XPO7: variants seen among roughly 807,000 people sequenced by gnomAD.
XPO7 encodes exportin 7, also known as exportin-7.
A neutral mutation model predicts 144.3 loss-of-function variants in XPO7; 21 were observed. That is an observed-to-expected ratio of 0.15 (90% CI 0.10 to 0.21). The LOEUF is 0.21. XPO7 is among the 10% of genes least tolerant of loss of function. XPO7 has a pLI of 1.00. For synonymous variants in XPO7, 580 were observed against 499.6 expected (o/e 1.16, Z -2.15); for missense variants, 808 against 1,325.8 (o/e 0.61, Z 6.06).
intron 24 of XPO7, 50 bp downstream of exon 24, chr8:21,999,724 T>C: frequency 1.2e-6 from 2 of 1,607,510 alleles, no homozygotes; most frequent in Non-Finnish European, 1.7e-6. Flanking sequence ...TTTTTACCAC[T>C]TAACTAAACA....
chr8:21,999,794 A>G (rs1813077309), intron 24 of XPO7, 120 bp downstream of exon 24: 2 of 1,310,130 alleles, frequency 1.5e-6, no homozygotes, highest in Non-Finnish European at 2.1e-6. Flanking sequence ...GGGTTTGGCC[A>G]TAACAATAGA....
chr8:21,927,206 G>C (rs1810485126), intron 1 of XPO7, among the ~76,000 whole-genome samples: 1 of 149,682 alleles, frequency 6.7e-6, no homozygotes, highest in African/African-American at 2.5e-5. Flanking sequence ...GGGTAACATA[G>C]CAAGACCCCA....
At chr8:21,921,315 G>C (rs1290156563) in intron 1 of XPO7, 1 of 152,192 alleles carries the variant, frequency 6.6e-6, no homozygotes, top group Non-Finnish European at 1.5e-5. Context: ...ATGATAATGA[G>C]ATTTGGTTAA....
chr8:21,966,387 T>C (rs971014083), intron 1 of XPO7: 8 of 753,144 alleles, frequency 1.1e-5, no homozygotes, highest in Admixed American at 1.9e-5. Flanking sequence ...ATATACATTA[T>C]TGTAAGCTAA....
At chr8:21,934,101 T>C (rs963464500) in intron 1 of XPO7, among the ~76,000 whole-genome samples, 1 of 152,200 alleles carries the variant, frequency 6.6e-6, no homozygotes, top group African/African-American at 2.4e-5. Context: ...GAGAACAAAA[T>C]AGGCATGTCC....
At chr8:21,981,621 A>T (rs1325972329) in intron 9 of XPO7, 110 bp from the exon 10 acceptor site, 1 of 1,339,550 alleles carries the variant, frequency 7.5e-7, no homozygotes, top group East Asian at 2.3e-5. Context: ...GCAGCCCAGA[A>T]GTTAAAAAGT....
rs116013815 is a variant in XPO7 at position 21,997,149 on chromosome 8, T to C, written c.2345+1550T>C. On this transcript the variant is annotated intron_variant, in intron 21 of 27. Transcript: ENST00000252512. ...AAACAACCTTATGGAGTGGGTAATA[T>C]TTAAAGAGGCTATAACCTCCCAGGA... 2.7e-3 allele frequency among the ~76,000 whole-genome samples: 416 copies of C among 152,282 alleles called. 4 individuals are homozygous for C. Among genetic ancestry groups the C allele is most frequent in the African/African-American group, 9.7e-3 (403 of 41,558 alleles).
At chr8:21,965,268 C>A (rs566639179) in intron 1 of XPO7, among the ~76,000 whole-genome samples, 23 of 151,672 alleles carry the variant, frequency 1.5e-4, no homozygotes, top group Admixed American at 1.3e-3. Context: ...TAAACTGATT[C>A]AATTCTCAAT....
chr8:21,968,453 T>TG (rs1351629224), intron 2 of XPO7, among the ~76,000 whole-genome samples: 2 of 152,204 alleles, frequency 1.3e-5, no homozygotes, highest in Non-Finnish European at 2.9e-5. Context: ...GACTGTGTGG[T>TG]GGTCTGTTCT....
chr8:21,925,328 G>T (rs1810425469), intron 1 of XPO7, among the ~76,000 whole-genome samples: 1 of 152,182 alleles, frequency 6.6e-6, no homozygotes, highest in South Asian at 2.1e-4. Context: ...CACTCCTACT[G>T]CCATAAAATG....
intron 1 of XPO7, among the ~76,000 whole-genome samples, chr8:21,956,794 GTATGTTTTCATCTTT>G (rs1201581580): frequency 1.4e-5 from 2 of 146,174 alleles, no homozygotes; most frequent in Non-Finnish European, 3.0e-5. Context: ...GGGCTTAATT[GTATGTTTTCATCTTT>G]TGTTTTTTGG....
At chr8:21,929,960 T>C (rs1810590392) in intron 1 of XPO7, among the ~76,000 whole-genome samples, 1 of 152,220 alleles carries the variant, frequency 6.6e-6, no homozygotes, top group African/African-American at 2.4e-5. Context: ...GATTCATCAC[T>C]CATGTCAATA....
intron 7 of XPO7, among the ~76,000 whole-genome samples, chr8:21,976,925 C>CT (rs1812241931): frequency 6.6e-6 from 1 of 152,236 alleles, no homozygotes; most frequent in Non-Finnish European, 1.5e-5. Flanking sequence ...TCCCAGAGTG[C>CT]TGGGACTACA....
chr8:21,973,432 C>G (rs1211220667), intron 5 of XPO7, among the ~76,000 whole-genome samples: 1 of 152,070 alleles, frequency 6.6e-6, no homozygotes, highest in African/African-American at 2.4e-5. Context: ...CTAGCAAGAC[C>G]TTTATTATCT....
intron 5 of XPO7, among the ~76,000 whole-genome samples, chr8:21,972,798 T>A (rs1030890864): frequency 6.6e-6 from 1 of 152,240 alleles, no homozygotes. Flanking sequence ...CTCATAATTC[T>A]GCAGACATTT....
At chr8:21,989,455 T>G (rs1812687726) in intron 16 of XPO7, among the ~76,000 whole-genome samples, 1 of 152,338 alleles carries the variant, frequency 6.6e-6, no homozygotes, top group South Asian at 2.1e-4. Context: ...ACATCCTGAT[T>G]CCAAGCTTTG....
chr8:21,997,798 G>A (rs1048526726), intron 21 of XPO7, among the ~76,000 whole-genome samples: 1 of 152,162 alleles, frequency 6.6e-6, no homozygotes, highest in Admixed American at 6.6e-5. Context: ...GGGAAAGGTG[G>A]ATTTGGGGTT....
chr8:21,982,611 A>G (rs1812443317), intron 10 of XPO7, 29 bp from the exon 11 acceptor site: 1 of 1,547,446 alleles, frequency 6.5e-7, no homozygotes, highest in Admixed American at 2.1e-5. Flanking sequence ...AATGAAAAAT[A>G]TGCCTTCTGC....
intron 12 of XPO7, 127 bp from the exon 13 acceptor site, chr8:21,985,459 T>C: frequency 1.1e-6 from 1 of 877,552 alleles, no homozygotes. Flanking sequence ...GAAGTAGCCA[T>C]TCTCTGTAAG....
Sources: allele counts gnomAD v4.1 joint callset (sites outside exome capture counted in the v4.1 genomes callset), GRCh38; gene constraint gnomAD v4.1.1; transcripts MANE v1.5; gene names NCBI Gene and HGNC (gene_info 2026-07-23, HGNC 2026-07-21).